Variants in SCHIP1 observed in about 807,000 individuals in gnomAD.
SCHIP1 encodes schwannomin interacting protein 1.
In SCHIP1, 8 loss-of-function variants were observed where a neutral mutation model predicts 29.7. That is an observed-to-expected ratio of 0.27 (90% confidence interval 0.16 to 0.49). The LOEUF is 0.49. SCHIP1 is among the 20% of genes least tolerant of loss of function. SCHIP1 has a pLI of 0.99. For missense variants in SCHIP1, 193 were observed against 294.6 expected, an observed-to-expected ratio of 0.66 and a Z score of 2.52; for synonymous variants, 76 against 94.9, an observed-to-expected ratio of 0.80 and a Z score of 1.16.
At chr3:159,668,540 A>C in the SCHIP1 span, among the ~76,000 whole-genome samples, 1 of 152,120 alleles carries the variant, frequency 6.6e-6, no homozygotes, top group Non-Finnish European at 1.5e-5. Context: ...GACCAGGTGG[A>C]TGGCGTGTCT....
At chr3:159,394,341 C>A in the SCHIP1 span, among the ~76,000 whole-genome samples, 2 of 152,090 alleles carry the variant, frequency 1.3e-5, no homozygotes, top group Admixed American at 6.6e-5. Context: ...GCCAGAACTT[C>A]CAACACTATG....
the SCHIP1 span, among the ~76,000 whole-genome samples, chr3:159,685,197 C>T: frequency 1.3e-5 from 2 of 152,180 alleles, no homozygotes. Context: ...GTGTGCATGA[C>T]TTCCCCAAAT....
chr3:159,570,261 G>A, the SCHIP1 span, among the ~76,000 whole-genome samples: 1 of 152,078 alleles, frequency 6.6e-6, no homozygotes, highest in Admixed American at 6.5e-5. Context: ...TTCTTCTAGG[G>A]TTTTTATGGT....
At chr3:159,603,599 G>T in the SCHIP1 span, among the ~76,000 whole-genome samples, 2 of 152,140 alleles carry the variant, frequency 1.3e-5, no homozygotes, top group South Asian at 4.1e-4. Context: ...AACTGGGGAG[G>T]AAGACTAAAT....
chr3:159,649,568 G>A, the SCHIP1 span, among the ~76,000 whole-genome samples: 1 of 152,044 alleles, frequency 6.6e-6, no homozygotes, highest in Non-Finnish European at 1.5e-5. Context: ...ATAAAAATCA[G>A]TACAATTGTA....
the SCHIP1 span, among the ~76,000 whole-genome samples, chr3:159,518,731 G>T: frequency 9.4e-3 from 1,434 of 152,136 alleles, 12 homozygotes; most frequent in Non-Finnish European, 0.016. Context: ...GTGGAAGCAG[G>T]TCAGTACTGT....
At chr3:159,541,214 G>A in the SCHIP1 span, among the ~76,000 whole-genome samples, 34 of 152,222 alleles carry the variant, frequency 2.2e-4, no homozygotes, top group African/African-American at 8.2e-4. Flanking sequence ...GGACTTGGGA[G>A]TTAGATGAAA....
chr3:159,434,987 A>G, the SCHIP1 span, among the ~76,000 whole-genome samples: 1 of 152,148 alleles, frequency 6.6e-6, no homozygotes, highest in Non-Finnish European at 1.5e-5. Context: ...TCAGTTATCT[A>G]TGACCACAGA....
At chr3:159,518,403 A>G in the SCHIP1 span, among the ~76,000 whole-genome samples, 3 of 152,210 alleles carry the variant, frequency 2.0e-5, no homozygotes, top group East Asian at 3.9e-4. Flanking sequence ...TTATTTTATT[A>G]TCTTCTTGTG....
chr3:159,473,949 T>C, the SCHIP1 span, among the ~76,000 whole-genome samples: 1 of 152,048 alleles, frequency 6.6e-6, no homozygotes, highest in African/African-American at 2.4e-5. Flanking sequence ...CCCACCCCAA[T>C]TGTCTTTCAA....
the SCHIP1 span, among the ~76,000 whole-genome samples, chr3:159,795,418 C>G: frequency 2.3e-4 from 35 of 152,194 alleles, no homozygotes; most frequent in African/African-American, 8.4e-4. Flanking sequence ...AATAGTACTT[C>G]CCAGGATAGT....
chr3:159,514,905 T>C, the SCHIP1 span, among the ~76,000 whole-genome samples: 14 of 152,312 alleles, frequency 9.2e-5, no homozygotes, highest in Admixed American at 5.2e-4. Flanking sequence ...TTCACCCTAG[T>C]AGTAATGACA....
At chr3:159,370,551 T>C in the SCHIP1 span, among the ~76,000 whole-genome samples, 6 of 152,184 alleles carry the variant, frequency 3.9e-5, no homozygotes, top group African/African-American at 1.4e-4. Context: ...TTGTTTGTGG[T>C]TGAGTCTGTG....
chr3:159,305,745 T>A, the SCHIP1 span, among the ~76,000 whole-genome samples: 3 of 152,260 alleles, frequency 2.0e-5, no homozygotes, highest in African/African-American at 7.2e-5. Context: ...TTAGGTGTTA[T>A]TATCTTTATT....
At chr3:159,396,549 G>A in the SCHIP1 span, among the ~76,000 whole-genome samples, 2 of 148,948 alleles carry the variant, frequency 1.3e-5, no homozygotes, top group Non-Finnish European at 3.0e-5. Flanking sequence ...TTGCTTGTCT[G>A]TAAAGTATTT....
the SCHIP1 span, chr3:159,273,959 C>T: frequency 6.4e-7 from 1 of 1,567,124 alleles, no homozygotes; most frequent in Non-Finnish European, 8.7e-7. Flanking sequence ...ACTTCAAAGT[C>T]GAACTAAGTA....
the SCHIP1 span, among the ~76,000 whole-genome samples, chr3:159,489,991 T>C: frequency 1.3e-5 from 2 of 152,170 alleles, no homozygotes; most frequent in Non-Finnish European, 2.9e-5. Context: ...GGGCTGAGTA[T>C]GAAGAAGGTC....
chr3:159,428,834 G>C, the SCHIP1 span, among the ~76,000 whole-genome samples: 1 of 152,080 alleles, frequency 6.6e-6, no homozygotes, highest in African/African-American at 2.4e-5. Flanking sequence ...AAGAAAATGT[G>C]GCACATATAC....
At chr3:159,820,238 A>T in the SCHIP1 span, among the ~76,000 whole-genome samples, 1 of 152,138 alleles carries the variant, frequency 6.6e-6, no homozygotes, top group Admixed American at 6.5e-5. Context: ...CTGTAGTTTA[A>T]AGTGATTTGG....
Sources: gnomAD v4.1 joint callset for allele counts (sites outside exome capture counted in the v4.1 genomes callset) on GRCh38, gnomAD v4.1.1 for gene constraint, MANE v1.5 for transcripts, NCBI Gene and HGNC (gene_info 2026-07-23, HGNC 2026-07-21) for gene names.